The following NLGN1 variants were observed in gnomAD, a reference collection of about 807,000 sequenced individuals.
NLGN1 encodes the protein neuroligin 1, also known as neuroligin-1.
NLGN1 carries 12 observed loss-of-function variants against 65.5 expected under a neutral mutation model. That is an observed-to-expected ratio of 0.18 (90% CI 0.12 to 0.30). The LOEUF (loss-of-function observed/expected upper bound fraction) is 0.30, where lower values mean the gene tolerates loss of function less well. Among genes scored for constraint, NLGN1 ranks in the 10% least tolerant of loss-of-function variants. The probability of loss-of-function intolerance (pLI) is 1.00; values close to 1 mark genes in which losing one functional copy is unlikely to be tolerated. For synonymous variants in NLGN1, 350 were observed against 359.5 expected, an observed-to-expected ratio of 0.97 and a Z score of 0.30; for missense variants, 750 against 1,007.1, an observed-to-expected ratio of 0.74 and a Z score of 3.46.
chr3:173,751,648 C>T (rs1776310908), intron 3 of NLGN1, among the ~76,000 whole-genome samples: 1 of 151,968 alleles, frequency 6.6e-6, no homozygotes, highest in Non-Finnish European at 1.5e-5. Context: ...ATAAGCAAAT[C>T]AACAATTTTG....
chr3:173,933,809 A>G (rs1744564360), intron 4 of NLGN1, among the ~76,000 whole-genome samples: 1 of 152,082 alleles, frequency 6.6e-6, no homozygotes, highest in Non-Finnish European at 1.5e-5. Flanking sequence ...GCAAATTCTC[A>G]ATGTACTTCA....
chr3:173,527,862 C>A (rs1226506842), intron 2 of NLGN1, among the ~76,000 whole-genome samples: 1 of 152,058 alleles, frequency 6.6e-6, no homozygotes, highest in East Asian at 1.9e-4. Flanking sequence ...ATGGTTGGGT[C>A]TTGTTTTTGT....
chr3:173,891,399 T>C (rs1029549522), intron 4 of NLGN1, among the ~76,000 whole-genome samples: 3 of 152,176 alleles, frequency 2.0e-5, no homozygotes, highest in Non-Finnish European at 4.4e-5. Flanking sequence ...AGAAAATCAT[T>C]TTAGATATTT....
intron 4 of NLGN1, among the ~76,000 whole-genome samples, chr3:174,255,291 C>T (rs933391794): frequency 2.2e-4 from 34 of 151,806 alleles, no homozygotes; most frequent in African/African-American, 7.7e-4. Flanking sequence ...AAAAATTAGC[C>T]GGGCGTGGTG....
intron 2 of NLGN1, among the ~76,000 whole-genome samples, chr3:173,497,013 G>C (rs1337232883): frequency 6.6e-6 from 1 of 151,834 alleles, no homozygotes; most frequent in South Asian, 2.1e-4. Context: ...CACCTTTCTT[G>C]ATGAATCATC....
chr3:173,925,791 A>C (rs1196962896), intron 4 of NLGN1, among the ~76,000 whole-genome samples: 1 of 152,176 alleles, frequency 6.6e-6, no homozygotes, highest in Non-Finnish European at 1.5e-5. Context: ...TTATAAATAT[A>C]TATATTCATA....
chr3:174,217,605 A>G (rs748496840), intron 4 of NLGN1, among the ~76,000 whole-genome samples: 24 of 152,050 alleles, frequency 1.6e-4, no homozygotes, highest in Non-Finnish European at 2.8e-4. Context: ...CCCTTCACGA[A>G]GGCCCACTTT....
At chr3:173,747,383 G>GAT (rs971710845) in intron 3 of NLGN1, among the ~76,000 whole-genome samples, 3 of 142,512 alleles carry the variant, frequency 2.1e-5, no homozygotes, top group Non-Finnish European at 4.6e-5. Context: ...TATACTTAAA[G>GAT]ATATATATAT....
At chr3:173,585,940 A>C (rs1403955321) in intron 2 of NLGN1, among the ~76,000 whole-genome samples, 2 of 152,218 alleles carry the variant, frequency 1.3e-5, no homozygotes, top group East Asian at 3.9e-4. Flanking sequence ...CACTCAAATC[A>C]GTGAATATGA....
At chr3:173,799,911 T>C (rs970627527) in intron 3 of NLGN1, among the ~76,000 whole-genome samples, 4 of 151,860 alleles carry the variant, frequency 2.6e-5, no homozygotes, top group African/African-American at 9.7e-5. Flanking sequence ...CCTACTTTTT[T>C]AATGTTGCCA....
chr3:174,074,342 T>A (rs1740478923), intron 4 of NLGN1, among the ~76,000 whole-genome samples: 1 of 152,180 alleles, frequency 6.6e-6, no homozygotes, highest in Non-Finnish European at 1.5e-5. Context: ...CTTCTGTGGT[T>A]GGGGTGTTGT....
chr3:174,231,641 C>T (rs1740723311), intron 4 of NLGN1, among the ~76,000 whole-genome samples: 1 of 152,268 alleles, frequency 6.6e-6, no homozygotes, highest in Non-Finnish European at 1.5e-5. Flanking sequence ...ATTCCTAATT[C>T]TCTGCATAGC....
At chr3:173,863,476 AT>A (rs1162981757) in intron 4 of NLGN1, among the ~76,000 whole-genome samples, 3 of 152,114 alleles carry the variant, frequency 2.0e-5, no homozygotes, top group Admixed American at 1.3e-4. Flanking sequence ...TATTACAACA[AT>A]TTTTTTAGTG....
At chr3:173,417,778 G>A (rs558724782) in intron 1 of NLGN1, among the ~76,000 whole-genome samples, 26 of 151,858 alleles carry the variant, frequency 1.7e-4, no homozygotes, top group Non-Finnish European at 3.5e-4. Context: ...AAACATAAAG[G>A]GAATGAATGC....
intron 4 of NLGN1, among the ~76,000 whole-genome samples, chr3:173,810,341 T>C (rs1717642402): frequency 6.6e-6 from 1 of 152,132 alleles, no homozygotes; most frequent in African/African-American, 2.4e-5. Context: ...TAAGCCAAGG[T>C]TTCTTGGGTG....
chr3:174,150,385 A>G (rs768526973), intron 4 of NLGN1, among the ~76,000 whole-genome samples: 9 of 152,094 alleles, frequency 5.9e-5, no homozygotes, highest in Non-Finnish European at 1.0e-4. Flanking sequence ...CAAATAAATT[A>G]TATGTTGTGG....
chr3:173,631,998 G>A (rs1755756294), intron 3 of NLGN1, among the ~76,000 whole-genome samples: 1 of 151,808 alleles, frequency 6.6e-6, no homozygotes, highest in Admixed American at 6.6e-5. Flanking sequence ...ATAAACCCTT[G>A]GAAAATTGTA....
chr3:173,787,391 T>G (rs972442961), intron 3 of NLGN1, among the ~76,000 whole-genome samples: 11 of 152,218 alleles, frequency 7.2e-5, no homozygotes, highest in African/African-American at 2.4e-4. Flanking sequence ...CCACATATTC[T>G]TAAAAATACA....
At chr3:173,654,376 A>G (rs1198424063) in intron 3 of NLGN1, among the ~76,000 whole-genome samples, 2 of 152,124 alleles carry the variant, frequency 1.3e-5, no homozygotes, top group East Asian at 1.9e-4. Context: ...ATAGCATAAC[A>G]TTATACTTGT....
Sources: gnomAD v4.1 joint callset for allele counts (sites outside exome capture counted in the v4.1 genomes callset) on GRCh38, gnomAD v4.1.1 for gene constraint, MANE v1.5 for transcripts, NCBI Gene and HGNC (gene_info 2026-07-23, HGNC 2026-07-21) for gene names.